VPS33A: variants seen among roughly 807,000 people sequenced by gnomAD.
VPS33A encodes VPS33A core subunit of CORVET and HOPS complexes.
A neutral mutation model predicts 71.8 loss-of-function variants in VPS33A; 32 were observed. That is an observed-to-expected ratio of 0.45 (90% confidence interval 0.34 to 0.60). The LOEUF (loss-of-function observed/expected upper bound fraction) is 0.60, where lower values mean the gene tolerates loss of function less well. Among genes scored for constraint, VPS33A ranks in the 20% least tolerant of loss-of-function variants. The pLI is 0.02. For missense variants in VPS33A, 625 were observed against 748.5 expected (o/e 0.84, Z 1.92); for synonymous variants, 311 against 292.7 (o/e 1.06, Z -0.64).
At chr12:122,247,816 C>T (rs1350338033) in intron 6 of VPS33A, among the ~76,000 whole-genome samples, 5 of 152,144 alleles carry the variant, frequency 3.3e-5, no homozygotes, top group African/African-American at 9.7e-5. Context: ...CTGGCAACCA[C>T]GAGTCCGTTT....
chr12:122,265,838 G>A (rs1032891216), intron 1 of VPS33A: 49 of 390,994 alleles, frequency 1.3e-4, no homozygotes, highest in African/African-American at 7.9e-4. Flanking sequence ...TACTGTTTTA[G>A]GAGGCCAGGT....
rs762761816 is a variant in VPS33A, at chr12:122,251,105, A to G, written c.484-6T>C. ...TCACCCTCCAGGTAGCACTCCTGTGAGGGAAAAGGCCAATTATTGCCAGGC... is the reference window on the plus strand; with the variant it reads ...TCACCCTCCAGGTAGCACTCCTGTGGGGGAAAAGGCCAATTATTGCCAGGC... On this transcript the variant is annotated splice_polypyrimidine_tract_variant and splice_region_variant and intron_variant, in intron 4 of 12. Coordinates refer to ENST00000267199, the MANE Select transcript of VPS33A (RefSeq NM_022916.6). The G allele has an allele frequency of 5.6e-6, 9 of 1,610,622 alleles. No homozygotes were observed. The South Asian group carries it at 6.6e-5, about 12-fold the overall frequency.
intron 6 of VPS33A, among the ~76,000 whole-genome samples, chr12:122,245,692 C>T (rs73219900): frequency 0.033 from 5,052 of 152,218 alleles, 119 homozygotes; most frequent in Middle Eastern, 0.078. Flanking sequence ...GTGAGCCACC[C>T]TCCTGGGCCT....
chr12:122,233,080 C>A (rs972246844), intron 11 of VPS33A, 112 bp from the exon 12 acceptor site: 18 of 1,182,898 alleles, frequency 1.5e-5, no homozygotes, highest in Admixed American at 3.1e-5. Flanking sequence ...AGATATACAA[C>A]CCCCACCCCT....
intron 4 of VPS33A, among the ~76,000 whole-genome samples, chr12:122,251,762 C>T (rs1459215741): frequency 3.3e-5 from 5 of 151,530 alleles, no homozygotes; most frequent in Admixed American, 3.3e-4. Context: ...CATCACACAC[C>T]AGGGCCTGTC....
chr12:122,266,428 C>T lies in VPS33A; in HGVS notation c.-20G>A, dbSNP rs771500318. The T allele has an allele frequency of 8.1e-6, 13 of 1,601,414 alleles. No individual in the cohort carries two copies. The East Asian group carries it at 2.3e-4, about 28-fold the overall frequency. On this transcript the variant is annotated 5_prime_UTR_variant, in exon 1 of 13. Transcript: ENST00000267199. ...CGCCATCTTGCTCCACCACCCCCTG[C>T]CCCACAACGCCAACCGAGTCCGCCG...
In VPS33A at chr12:122,252,480, C is replaced by T. The variant is rs553096443; in HGVS notation, c.484-1381G>A. ...AGAGACGGGGTTTCACCATGTTAGC[C>T]CTGATGGTCTCGATCTCCTGACCTC... On this transcript the variant is annotated intron_variant, in intron 4 of 12. Coordinates refer to ENST00000267199, the MANE Select transcript of VPS33A (RefSeq NM_022916.6). Among the ~76,000 whole-genome samples, 1,379 of 152,032 alleles carry T rather than the reference C, an allele frequency of 9.1e-3. 26 individuals are homozygous for T. The highest frequency in any genetic ancestry group is 0.032 in the African/African-American group (1,319 of 41,450).
Position 122,263,637 on chromosome 12 carries a change from C to T in VPS33A, c.231G>A (p.Lys77=). 1 of 1,613,300 alleles carries T rather than the reference C, an allele frequency of 6.2e-7. No individual in the cohort carries two copies. The highest frequency in any genetic ancestry group is 8.5e-7 in the Non-Finnish European group (1 of 1,179,424). Residue 77 remains lysine, a synonymous_variant, in exon 3 of 13, where the codon AAG becomes AAA. Transcript: ENST00000267199. ...KGNRLPAADV[K]NIIFFVRPRL... ...TGGGTCTGACAAAAAAAATTATATT[C>T]TTCACATCAGCTGCCGGCAAACGAT... is the stretch of plus-strand genomic sequence containing the variant.
Position 122,251,102 on chromosome 12 carries a change from G to A in VPS33A, c.484-3C>T. On this transcript the variant is annotated splice_polypyrimidine_tract_variant and splice_region_variant and intron_variant, in intron 4 of 12. Transcript: ENST00000267199. ...TGGTCACCCTCCAGGTAGCACTCCT[G>A]TGAGGGAAAAGGCCAATTATTGCCA... 6.2e-7 allele frequency: 1 copy of A among 1,611,324 alleles called. No homozygotes were observed. The highest frequency in any genetic ancestry group is 1.3e-5 in the African/African-American group (1 of 74,998).
At chr12:122,262,728 T>G (rs899006368) in intron 3 of VPS33A, among the ~76,000 whole-genome samples, 7 of 152,072 alleles carry the variant, frequency 4.6e-5, no homozygotes, top group Non-Finnish European at 1.0e-4. Context: ...TGGCTATCTT[T>G]AAAGAATGGG....
chr12:122,266,223 C>A, intron 1 of VPS33A, 84 bp downstream of exon 1: 4 of 1,549,208 alleles, frequency 2.6e-6, no homozygotes, highest in South Asian at 1.2e-5. Flanking sequence ...CCTCATAAAC[C>A]GCGAACTCAG....
intron 8 of VPS33A, among the ~76,000 whole-genome samples, chr12:122,240,514 G>A (rs1401095237): frequency 1.3e-5 from 2 of 152,074 alleles, no homozygotes; most frequent in African/African-American, 2.4e-5. Flanking sequence ...CAGAATGAGC[G>A]TCAGTATGAA....
chr12:122,265,625 A>C, intron 1 of VPS33A: 1 of 386,080 alleles, frequency 2.6e-6, no homozygotes, highest in Admixed American at 2.7e-5. Context: ...GGCTGCTAGC[A>C]CCCACTTTAC....
chr12:122,244,375 G>C (rs1566042593), intron 7 of VPS33A, among the ~76,000 whole-genome samples, 194 bp downstream of exon 7: 1 of 152,190 alleles, frequency 6.6e-6, no homozygotes, highest in Admixed American at 6.5e-5. Flanking sequence ...AGAACTTTAC[G>C]CAACGCGGGT....
In VPS33A at chr12:122,230,119, TTTTC is replaced by T. The variant is rs1454727258; in HGVS notation, c.*2123_*2126del. 9 of 152,240 alleles carry T rather than the reference TTTTC, an allele frequency of 5.9e-5. No homozygotes were observed. Among genetic ancestry groups the T allele is most frequent in the African/African-American group, 1.2e-4 (5 of 41,466 alleles). 9.4% of individuals were successfully genotyped at this position (152,240 alleles called of 1,614,324 possible). ...AAAGGATTTTCTACAATGAAAATGG[TTTTC>T]TTTAAGACATTTCCAAATACTGAAT... On this transcript the variant is annotated 3_prime_UTR_variant, in exon 13 of 13. Transcript: ENST00000267199.
At chr12:122,232,558 A>G (rs1397278455) in intron 12 of VPS33A, 131 bp from the exon 13 acceptor site, 31 of 1,118,104 alleles carry the variant, frequency 2.8e-5, no homozygotes, top group Middle Eastern at 3.0e-4. Flanking sequence ...AAACCTAAGA[A>G]TACTGATTTT....
Position 122,244,673 on chromosome 12 carries a change from G to T in VPS33A, c.865C>A (p.Leu289Met). 6.2e-7 allele frequency: 1 copy of T among 1,614,186 alleles called. No homozygotes were observed. Among genetic ancestry groups the T allele is most frequent in the Non-Finnish European group, 8.5e-7 (1 of 1,180,028 alleles). Residue 289 changes from leucine to methionine, a missense_variant, in exon 7 of 13, where the codon CTG (leucine) becomes ATG (methionine). By Grantham distance (15) the Leu-to-Met change is conservative. Coordinates refer to ENST00000267199, the MANE Select transcript of VPS33A (RefSeq NM_022916.6). The part of the protein sequence containing the change: ...DLPTEAKKLQ[L>M]NSAEELYAEI... ...GCATAGAGCTCCTCTGCAGAATTCA[G>T]CTGCAGCTTCTTTGCTTCCGTGGGG...
rs1403835195 is a variant in VPS33A, at chr12:122,232,976, ATAAT to A, written c.1441-12_1441-9del. 7.6e-6 allele frequency: 12 copies of A among 1,582,680 alleles called. No homozygotes were observed. Among genetic ancestry groups the A allele is most frequent in the Admixed American group, 1.8e-5 (1 of 55,758 alleles). On this transcript the variant is annotated splice_polypyrimidine_tract_variant and intron_variant, in intron 11 of 12. Transcript: ENST00000267199. Reference sequence around the variant, plus strand: ...CGATATGTCCGTGGGGTTCTGTGAGATAATTAAAGAACAAAAACCCTATAGATAC... The same window carrying A: ...CGATATGTCCGTGGGGTTCTGTGAGATAAAGAACAAAAACCCTATAGATAC...
intron 3 of VPS33A, among the ~76,000 whole-genome samples, chr12:122,263,363 G>A (rs1033761089): frequency 6.6e-6 from 1 of 152,010 alleles, no homozygotes; most frequent in African/African-American, 2.4e-5. Flanking sequence ...CAAATAGTAG[G>A]TCTTATTCTA....
Sources: gnomAD v4.1 joint callset for allele counts (sites outside exome capture counted in the v4.1 genomes callset) on GRCh38, gnomAD v4.1.1 for gene constraint, MANE v1.5 for transcripts, NCBI Gene and HGNC (gene_info 2026-07-23, HGNC 2026-07-21) for gene names.